The following LAPTM4A variants were observed in gnomAD, a reference collection of about 807,000 sequenced individuals.
LAPTM4A encodes lysosomal protein transmembrane 4 alpha, also known as lysosomal-associated transmembrane protein 4A.
In LAPTM4A, 19 loss-of-function variants were observed where a neutral mutation model predicts 29.9. That is an observed-to-expected ratio of 0.64 (90% CI 0.44 to 0.93). The LOEUF (loss-of-function observed/expected upper bound fraction) is 0.93, where lower values mean the gene tolerates loss of function less well. Ranked by LOEUF, LAPTM4A falls within the 40% of genes least tolerant of loss-of-function variation. The pLI, the probability that LAPTM4A is intolerant of heterozygous loss-of-function variation, is 0.00. For missense variants in LAPTM4A, 293 were observed against 288.5 expected, an observed-to-expected ratio of 1.02 and a Z score of -0.11; for synonymous variants, 105 against 102.1, an observed-to-expected ratio of 1.03 and a Z score of -0.17.
At chr2:20,039,866 C>T (rs1041583930) in intron 2 of LAPTM4A, among the ~76,000 whole-genome samples, 2 of 152,062 alleles carry the variant, frequency 1.3e-5, no homozygotes, top group Admixed American at 6.6e-5. Context: ...CCAACCTGAC[C>T]AACATGGAGT....
intron 1 of LAPTM4A, among the ~76,000 whole-genome samples, chr2:20,046,761 T>TAAATATATATATAATATAA (rs1673930895): frequency 7.0e-6 from 1 of 143,818 alleles, no homozygotes; most frequent in Non-Finnish European, 1.5e-5. Flanking sequence ...TATAAATATA[T>TAAATATATATATAATATAA]ATATAATATA....
intron 6 of LAPTM4A, 134 bp downstream of exon 6, chr2:20,034,183 T>G (rs1355414903): frequency 2.9e-6 from 2 of 695,580 alleles, no homozygotes; most frequent in Non-Finnish European, 5.2e-6. Flanking sequence ...GATTTTAAGC[T>G]GTTCATAAAA....
Position 20,037,352 on chromosome 2 carries a change from G to T in LAPTM4A, c.396C>A (p.Thr132=). The T allele has an allele frequency of 6.2e-7, 1 of 1,613,004 alleles. No homozygotes were observed. The highest frequency in any genetic ancestry group is 8.5e-7 in the Non-Finnish European group (1 of 1,179,338). The part of the protein sequence containing the change: ...LSCLVAISSL[T]YLPRIKEYLD... ...GATATTCTTTGATTCTTGGCAAATA[G>T]GTGAGAGAACTAATAGCAACCAGGC... Residue 132 remains threonine, a synonymous_variant, in exon 4 of 7, where the codon ACC becomes ACA. Coordinates refer to ENST00000175091, the MANE Select transcript of LAPTM4A (RefSeq NM_014713.5).
chr2:20,033,300 G>T (rs1321035689), intron 6 of LAPTM4A, 21 bp from the exon 7 acceptor site: 2 of 1,580,612 alleles, frequency 1.3e-6, no homozygotes, highest in Non-Finnish European at 1.7e-6. Context: ...AAAAAAAATT[G>T]TATCAGATTT....
Position 20,034,996 on chromosome 2 carries a change from C to A in LAPTM4A, c.499G>T (p.Val167Leu). 1 of 1,612,604 alleles carries A rather than the reference C, an allele frequency of 6.2e-7. No individual in the cohort carries two copies. Among genetic ancestry groups the A allele is most frequent in the Non-Finnish European group, 8.5e-7 (1 of 1,179,018 alleles). ...AAAATGATGAATAAGGCAAAGAACA[C>A]AAGAACAATGAACAGGAGGCAGCTG... is the stretch of plus-strand genomic sequence containing the variant. ...DSSCLLFIVL[V>L]FFALFIIFKA... The change falls in exon 5 of 7, where the codon GTG becomes TTG. Residue 167 changes from valine to leucine, a missense_variant. Physicochemically the swap from Val to Leu is conservative, Grantham distance 32. Coordinates refer to ENST00000175091, the MANE Select transcript of LAPTM4A (RefSeq NM_014713.5).
chr2:20,033,941 T>TCC (rs1673628270), intron 6 of LAPTM4A, among the ~76,000 whole-genome samples: 2 of 152,084 alleles, frequency 1.3e-5, no homozygotes, highest in Non-Finnish European at 2.9e-5. Context: ...ACAGGTCAGC[T>TCC]CCCCCGTTGG....
At chr2:20,039,833 C>A (rs1321168779) in intron 2 of LAPTM4A, among the ~76,000 whole-genome samples, 3 of 152,166 alleles carry the variant, frequency 2.0e-5, no homozygotes, top group Non-Finnish European at 4.4e-5. Flanking sequence ...GCGGGTGGAT[C>A]ACCTAAGGTC....
At chr2:20,044,270 G>A (rs1472161374) in intron 1 of LAPTM4A, among the ~76,000 whole-genome samples, 1 of 152,136 alleles carries the variant, frequency 6.6e-6, no homozygotes, top group African/African-American at 2.4e-5. Context: ...CTACTAAAAC[G>A]TTATATGTTC....
chr2:20,032,816 C>G lies in LAPTM4A; in HGVS notation c.*389G>C, dbSNP rs1045158305. ...CTTATACCCAACTACTTACTCACCC[C>G]GAATATTTAAGTCAGTCTTCCTGAA... is the stretch of plus-strand genomic sequence containing the variant. On this transcript the variant is annotated 3_prime_UTR_variant, in exon 7 of 7. Coordinates refer to ENST00000175091, the MANE Select transcript of LAPTM4A (RefSeq NM_014713.5). 1.7e-5 allele frequency: 3 copies of G among 178,798 alleles called. No individual in the cohort carries two copies. Among genetic ancestry groups the G allele is most frequent in the Non-Finnish European group, 1.2e-5 (1 of 83,682 alleles). The allele number at this position is 178,798 out of a possible 1,614,324, so 11.1% of individuals were successfully genotyped here.
At chr2:20,034,295 A>T in intron 6 of LAPTM4A, 22 bp downstream of exon 6, 2 of 1,505,740 alleles carry the variant, frequency 1.3e-6, no homozygotes, top group East Asian at 2.3e-5. Flanking sequence ...GTGACCTTTT[A>T]CTCTATCCAA....
intron 1 of LAPTM4A, among the ~76,000 whole-genome samples, chr2:20,046,484 C>T (rs907632556): frequency 6.6e-6 from 1 of 151,552 alleles, no homozygotes; most frequent in South Asian, 2.1e-4. Context: ...AATAAGTTAG[C>T]CATCACACAC....
At chr2:20,034,590 A>T (rs952541992) in intron 5 of LAPTM4A, among the ~76,000 whole-genome samples, 175 bp from the exon 6 acceptor site, 7 of 152,192 alleles carry the variant, frequency 4.6e-5, no homozygotes, top group African/African-American at 1.4e-4. Context: ...TTTAAGTGTC[A>T]TGAGTTTCAT....
chr2:20,042,774 G>A (rs1673828374), intron 1 of LAPTM4A, among the ~76,000 whole-genome samples: 1 of 152,174 alleles, frequency 6.6e-6, no homozygotes, highest in South Asian at 2.1e-4. Flanking sequence ...CTGCATTTAA[G>A]TACTCAGAAA....
chr2:20,033,622 T>C (rs942593648), intron 6 of LAPTM4A, among the ~76,000 whole-genome samples: 1 of 151,786 alleles, frequency 6.6e-6, no homozygotes, highest in Non-Finnish European at 1.5e-5. Flanking sequence ...TGTTGAGGAG[T>C]TGGGTTAAAC....
At chr2:20,034,248 C>T (rs1263574414) in intron 6 of LAPTM4A, 69 bp downstream of exon 6, 2 of 1,047,424 alleles carry the variant, frequency 1.9e-6, no homozygotes, top group East Asian at 4.7e-5. Context: ...GAAAGTCAAG[C>T]TCCAGGTTCT....
chr2:20,036,907 C>T (rs1673689414), intron 4 of LAPTM4A, among the ~76,000 whole-genome samples: 1 of 152,268 alleles, frequency 6.6e-6, no homozygotes, highest in Non-Finnish European at 1.5e-5. Flanking sequence ...TCTTTATATC[C>T]ACACCATTCA....
At chr2:20,045,241 T>G (rs1342065541) in intron 1 of LAPTM4A, among the ~76,000 whole-genome samples, 1 of 152,218 alleles carries the variant, frequency 6.6e-6, no homozygotes, top group Non-Finnish European at 1.5e-5. Context: ...TTACAAATAT[T>G]TATTCCTGAT....
intron 1 of LAPTM4A, among the ~76,000 whole-genome samples, chr2:20,042,537 C>T (rs1182508571): frequency 6.6e-6 from 1 of 152,212 alleles, no homozygotes; most frequent in Non-Finnish European, 1.5e-5. Flanking sequence ...ATCTAAGTTA[C>T]TAACAAAAGA....
At chr2:20,046,723 T>TC (rs1673928188) in intron 1 of LAPTM4A, among the ~76,000 whole-genome samples, 8 of 141,402 alleles carry the variant, frequency 5.7e-5, no homozygotes, top group Non-Finnish European at 1.1e-4. Context: ...TATTTATATA[T>TC]TATATATCTA....
Sources: gnomAD v4.1 joint callset for allele counts (sites outside exome capture counted in the v4.1 genomes callset) on GRCh38, gnomAD v4.1.1 for gene constraint, MANE v1.5 for transcripts, NCBI Gene and HGNC (gene_info 2026-07-23, HGNC 2026-07-21) for gene names.